The following SMARCB1 variants were observed in gnomAD, a reference collection of about 807,000 sequenced individuals.
SMARCB1 encodes SWI/SNF related BAF chromatin remodeling complex subunit B1, also known as SWI/SNF-related matrix-associated actin-dependent regulator of chromatin subfamily B member 1.
A neutral mutation model predicts 49.0 loss-of-function variants in SMARCB1; 5 were observed. That is an observed-to-expected ratio of 0.10 (90% confidence interval 0.05 to 0.21). SMARCB1 has a LOEUF of 0.21. SMARCB1 is among the 10% of genes least tolerant of loss of function. The pLI, the probability that SMARCB1 is intolerant of heterozygous loss-of-function variation, is 1.00. For synonymous variants in SMARCB1, 201 were observed against 200.1 expected (o/e 1.00, Z -0.04); for missense variants, 226 against 509.2 (o/e 0.44, Z 5.35).
chr22:23,835,725 A>G lies in SMARCB1; in HGVS notation c.*1545A>G, dbSNP rs139983373. ...CATTGCTGAGGTGTTTGTTCTGTCC[A>G]TGAGGTAGGAACCTCGGCAATGAAA... On this transcript the variant is annotated 3_prime_UTR_variant, in exon 9 of 9. Transcript: ENST00000644036. 517 of 985,516 alleles carry G rather than the reference A, an allele frequency of 5.2e-4. No individual in the cohort carries two copies. The Middle Eastern group carries it at 7.8e-3, about 15-fold the overall frequency. The allele number at this position is 985,516 out of a possible 1,614,324, so 61.0% of individuals were successfully genotyped here.
chr22:23,792,001 T>G (rs1297042436), intron 2 of SMARCB1, 107 bp downstream of exon 2: 3 of 1,306,240 alleles, frequency 2.3e-6, no homozygotes, highest in Non-Finnish European at 2.2e-6. Context: ...TTGGCCTTAG[T>G]CGGGCAGGGA....
chr22:23,806,372 A>T (rs145341916), intron 5 of SMARCB1, among the ~76,000 whole-genome samples: 34 of 152,312 alleles, frequency 2.2e-4, no homozygotes, highest in Middle Eastern at 3.4e-3. Flanking sequence ...GTAATTTAGA[A>T]CAAAGTCTTA....
chr22:23,833,013 T>C (rs2030738811), intron 7 of SMARCB1, among the ~76,000 whole-genome samples: 1 of 151,376 alleles, frequency 6.6e-6, no homozygotes, highest in South Asian at 2.1e-4. Context: ...CTCTCGGGGG[T>C]TTTGTTCGGC....
chr22:23,829,751 G>C (rs2030562024), intron 7 of SMARCB1, among the ~76,000 whole-genome samples: 1 of 152,198 alleles, frequency 6.6e-6, no homozygotes, highest in African/African-American at 2.4e-5. Context: ...TATGCAGAGA[G>C]CTGTGTAACT....
At chr22:23,813,613 A>T (rs1930007756) in intron 5 of SMARCB1, among the ~76,000 whole-genome samples, 1 of 152,206 alleles carries the variant, frequency 6.6e-6, no homozygotes, top group African/African-American at 2.4e-5. Context: ...AAACTATAAA[A>T]CACTGACGAA....
At chr22:23,787,666 C>T (rs1391810992) in intron 1 of SMARCB1, among the ~76,000 whole-genome samples, 1 of 152,126 alleles carries the variant, frequency 6.6e-6, no homozygotes, top group Non-Finnish European at 1.5e-5. Flanking sequence ...CGTATTGCTA[C>T]TTGTGGGAAC....
intron 7 of SMARCB1, among the ~76,000 whole-genome samples, chr22:23,830,709 T>C: frequency 7.1e-6 from 1 of 141,388 alleles, no homozygotes; most frequent in African/African-American, 2.7e-5. Context: ...GTCACCAGGC[T>C]GGAGTGTAGT....
chr22:23,808,704 T>A (rs1409647835), intron 5 of SMARCB1, among the ~76,000 whole-genome samples: 1 of 151,718 alleles, frequency 6.6e-6, no homozygotes, highest in Non-Finnish European at 1.5e-5. Context: ...CATTCTTTTT[T>A]TTTTTTTTTT....
chr22:23,825,069 T>C (rs1032233069), intron 6 of SMARCB1, 156 bp from the exon 7 acceptor site: 15 of 678,218 alleles, frequency 2.2e-5, no homozygotes, highest in Admixed American at 8.7e-5. Flanking sequence ...CAGCCTTGTT[T>C]TGGGGATGGG....
intron 5 of SMARCB1, among the ~76,000 whole-genome samples, chr22:23,805,195 C>G (rs562106809): frequency 6.6e-6 from 1 of 152,170 alleles, no homozygotes; most frequent in South Asian, 2.1e-4. Flanking sequence ...GTGCTTGTCC[C>G]GTAGGTCCCA....
chr22:23,824,523 G>C (rs1205030392), intron 6 of SMARCB1: 1 of 153,650 alleles, frequency 6.5e-6, no homozygotes, highest in Non-Finnish European at 1.4e-5. Flanking sequence ...TCCCCAGGGG[G>C]GCAGGTGTAG....
At chr22:23,808,999 A>G (rs1362559255) in intron 5 of SMARCB1, among the ~76,000 whole-genome samples, 3 of 151,392 alleles carry the variant, frequency 2.0e-5, no homozygotes, top group Non-Finnish European at 2.9e-5. Context: ...TGCTCGGCCA[A>G]TTTTTTGTAT....
intron 3 of SMARCB1, among the ~76,000 whole-genome samples, chr22:23,800,470 G>A (rs561227206): frequency 1.3e-5 from 2 of 152,248 alleles, no homozygotes; most frequent in East Asian, 3.9e-4. Context: ...GCTGAGTAAA[G>A]TCATCTCACG....
At chr22:23,827,698 C>G (rs2030458116) in intron 7 of SMARCB1, among the ~76,000 whole-genome samples, 2 of 152,018 alleles carry the variant, frequency 1.3e-5, no homozygotes, top group Non-Finnish European at 2.9e-5. Context: ...GCCTGGGGAA[C>G]TGGGAAGTGT....
intron 5 of SMARCB1, chr22:23,816,400 C>T: frequency 2.4e-6 from 1 of 418,566 alleles, no homozygotes; most frequent in South Asian, 2.3e-5. Flanking sequence ...GCCACCAGTT[C>T]AGCACAGAGG....
intron 6 of SMARCB1, chr22:23,818,505 C>T (rs1290611988): frequency 2.0e-5 from 3 of 152,174 alleles, no homozygotes; most frequent in Admixed American, 2.0e-4. Flanking sequence ...ACATTCATAA[C>T]ATAAAATTTA....
At chr22:23,803,732 C>A (rs921846326) in intron 5 of SMARCB1, 10 of 447,436 alleles carry the variant, frequency 2.2e-5, no homozygotes, top group Non-Finnish European at 3.8e-5. Flanking sequence ...CTAGTTCAGC[C>A]CCCGAGCCCT....
intron 6 of SMARCB1, among the ~76,000 whole-genome samples, chr22:23,822,371 G>T (rs1370145957): frequency 6.6e-6 from 1 of 152,160 alleles, no homozygotes; most frequent in African/African-American, 2.4e-5. Context: ...GGTGGGCAGG[G>T]GCCTGGCCCT....
At chr22:23,812,546 T>C (rs1929940696) in intron 5 of SMARCB1, among the ~76,000 whole-genome samples, 1 of 151,948 alleles carries the variant, frequency 6.6e-6, no homozygotes, top group Non-Finnish European at 1.5e-5. Context: ...CAGACCAATA[T>C]CCTTTATGAC....
Sources: gnomAD v4.1 joint callset for allele counts (sites outside exome capture counted in the v4.1 genomes callset) on GRCh38, gnomAD v4.1.1 for gene constraint, MANE v1.5 for transcripts, NCBI Gene and HGNC (gene_info 2026-07-23, HGNC 2026-07-21) for gene names.